ISCA1: variants seen among roughly 807,000 people sequenced by gnomAD.
The protein encoded by ISCA1 is iron-sulfur cluster assembly 1.
ISCA1 carries 9 observed loss-of-function variants against 14.7 expected under a neutral mutation model. That is an observed-to-expected ratio of 0.61 (90% CI 0.37 to 1.07). The LOEUF is 1.07. ISCA1 is among the 50% of genes least tolerant of loss of function. ISCA1 has a pLI of 0.01. For missense variants in ISCA1, 102 were observed against 150.1 expected (o/e 0.68, Z 1.67); for synonymous variants, 38 against 54.3 (o/e 0.70, Z 1.32).
intron 1 of ISCA1, 42 bp from the exon 2 acceptor site, chr9:86,274,284 T>C: frequency 7.7e-7 from 1 of 1,293,402 alleles, no homozygotes; most frequent in Non-Finnish European, 1.1e-6. Flanking sequence ...AAACTTGTTA[T>C]TCAAAGCCTC....
intron 1 of ISCA1, among the ~76,000 whole-genome samples, chr9:86,274,693 T>A (rs1279751888): frequency 2.0e-5 from 3 of 152,132 alleles, no homozygotes; most frequent in Non-Finnish European, 4.4e-5. Context: ...TTTTTTTTTC[T>A]TACTCACAAT....
At chr9:86,267,428 G>A (rs1166069225) in intron 3 of ISCA1, 1 of 941,000 alleles carries the variant, frequency 1.1e-6, no homozygotes, top group Non-Finnish European at 1.3e-6. Flanking sequence ...TAATAAGAAA[G>A]CACACTTAGG....
At chr9:86,273,692 C>T (rs1825403017) in intron 2 of ISCA1, among the ~76,000 whole-genome samples, 1 of 152,256 alleles carries the variant, frequency 6.6e-6, no homozygotes, top group South Asian at 2.1e-4. Flanking sequence ...TTGGTTGTGA[C>T]AACCAAAGCT....
At chr9:86,268,709 C>CT (rs898837684) in intron 3 of ISCA1, among the ~76,000 whole-genome samples, 7 of 150,168 alleles carry the variant, frequency 4.7e-5, no homozygotes, top group Non-Finnish European at 7.4e-5. Context: ...CTTTTTTTTT[C>CT]TTTTTTTTAA....
At chr9:86,270,839 A>G (rs1053578956) in intron 3 of ISCA1, among the ~76,000 whole-genome samples, 1 of 149,924 alleles carries the variant, frequency 6.7e-6, no homozygotes, top group Non-Finnish European at 1.5e-5. Context: ...AAACTATCGC[A>G]AGGACAAAAA....
chr9:86,280,719 G>A (rs1397896847), intron 1 of ISCA1, among the ~76,000 whole-genome samples: 1 of 152,120 alleles, frequency 6.6e-6, no homozygotes, highest in African/African-American at 2.4e-5. Context: ...GGGAGCCTGA[G>A]GCAGTGGACT....
chr9:86,269,263 C>T (rs533116664), intron 3 of ISCA1, among the ~76,000 whole-genome samples: 8 of 152,128 alleles, frequency 5.3e-5, no homozygotes, highest in East Asian at 1.9e-4. Context: ...AAAATCAATG[C>T]ACAAAAATCA....
chr9:86,275,841 T>A (rs979912521), intron 1 of ISCA1, among the ~76,000 whole-genome samples: 1 of 152,130 alleles, frequency 6.6e-6, no homozygotes, highest in African/African-American at 2.4e-5. Context: ...ATTATGGTTT[T>A]GTTTTTGTTT....
intron 3 of ISCA1, 72 bp downstream of exon 3, chr9:86,271,935 T>C (rs1237712052): frequency 6.3e-6 from 5 of 788,528 alleles, no homozygotes; most frequent in Non-Finnish European, 8.7e-6. Context: ...CCTTATTTTT[T>C]ACTTTGTGCT....
intron 2 of ISCA1, among the ~76,000 whole-genome samples, chr9:86,273,628 A>G (rs1352380147): frequency 6.6e-6 from 1 of 152,220 alleles, no homozygotes; most frequent in Admixed American, 6.5e-5. Context: ...GAAGAGATAT[A>G]CACAGGAATA....
Position 86,278,049 on chromosome 9 carries a change from T to G in ISCA1, c.82-3807A>C, listed in dbSNP as rs367570016. ...TAACTCCCCAGGCAATTTTCATTTT[T>G]TGCTGTTTAAGAAAATTAAATTAAA... On this transcript the variant is annotated intron_variant, in intron 1 of 3. Coordinates refer to ENST00000375991, the MANE Select transcript of ISCA1 (RefSeq NM_030940.4). Among the ~76,000 whole-genome samples the G allele has an allele frequency of 2.0e-5, 3 of 152,344 alleles. No individual in the cohort carries two copies. The East Asian group carries it at 5.8e-4, about 29-fold the overall frequency.
intron 1 of ISCA1, among the ~76,000 whole-genome samples, chr9:86,277,693 A>G (rs1825455101): frequency 6.6e-6 from 1 of 152,154 alleles, no homozygotes; most frequent in Non-Finnish European, 1.5e-5. Context: ...AGAAACATGT[A>G]ATTCTCAAGA....
intron 3 of ISCA1, 81 bp from the exon 4 acceptor site, chr9:86,266,272 A>G: frequency 6.6e-7 from 1 of 1,508,358 alleles, no homozygotes; most frequent in African/African-American, 1.4e-5. Context: ...TGAACTTGAA[A>G]TAGTGACTAT....
chr9:86,272,114 T>C lies in ISCA1; in HGVS notation c.136-2A>G, dbSNP rs1825377593. 1.3e-6 allele frequency: 2 copies of C among 1,548,616 alleles called. No homozygotes were observed. Among genetic ancestry groups the C allele is most frequent in the Non-Finnish European group, 1.8e-6 (2 of 1,121,842 alleles). ...TCGGACACCAACTTTTACACCTACC[T>C]GAAAAAGAAGTGAAAATATAAACTT... On this transcript the variant is annotated splice_acceptor_variant, in intron 2 of 3. Coordinates refer to ENST00000375991, the MANE Select transcript of ISCA1 (RefSeq NM_030940.4). LOFTEE classifies it high-confidence loss of function.
chr9:86,278,105 C>T (rs935225657), intron 1 of ISCA1, among the ~76,000 whole-genome samples: 1 of 152,074 alleles, frequency 6.6e-6, no homozygotes, highest in Non-Finnish European at 1.5e-5. Flanking sequence ...TGTGATTATG[C>T]ATACTAAACA....
intron 2 of ISCA1, among the ~76,000 whole-genome samples, chr9:86,273,052 G>A (rs1310867837): frequency 1.3e-5 from 2 of 152,132 alleles, no homozygotes; most frequent in African/African-American, 4.8e-5. Flanking sequence ...CTACAAAGCC[G>A]AATTCTTGTT....
intron 1 of ISCA1, 53 bp downstream of exon 1, chr9:86,282,325 C>G: frequency 2.6e-6 from 4 of 1,512,048 alleles, no homozygotes; most frequent in Non-Finnish European, 3.6e-6. Context: ...TCCCCTTGCA[C>G]GGGGCGGACA....
intron 1 of ISCA1, among the ~76,000 whole-genome samples, chr9:86,277,839 A>C (rs1564010463): frequency 6.6e-6 from 1 of 152,234 alleles, no homozygotes; most frequent in Non-Finnish European, 1.5e-5. Flanking sequence ...TTTTAAAGTG[A>C]GAGGTTATCT....
chr9:86,282,275 T>C, intron 1 of ISCA1, 103 bp downstream of exon 1: 2 of 1,275,380 alleles, frequency 1.6e-6, no homozygotes, highest in Non-Finnish European at 2.1e-6. Flanking sequence ...AGGTCTGACG[T>C]GTCCGCGTCC....
Sources: gnomAD v4.1 joint callset for allele counts (sites outside exome capture counted in the v4.1 genomes callset) on GRCh38, gnomAD v4.1.1 for gene constraint, MANE v1.5 for transcripts, NCBI Gene and HGNC (gene_info 2026-07-23, HGNC 2026-07-21) for gene names.